SGK3: variants seen among roughly 807,000 people sequenced by gnomAD.
SGK3 encodes serine/threonine-protein kinase Sgk3.
SGK3 carries 47 observed loss-of-function variants against 68.5 expected under a neutral mutation model. The ratio of observed to expected loss-of-function variants is 0.69; its 90% CI spans 0.54 to 0.87. The LOEUF is 0.87. SGK3 is among the 40% of genes least tolerant of loss of function. The pLI, the probability that SGK3 is intolerant of heterozygous loss-of-function variation, is 0.00. For synonymous variants in SGK3, 181 were observed against 189.1 expected (o/e 0.96, Z 0.35); for missense variants, 479 against 575.5 (o/e 0.83, Z 1.72).
chr8:66,742,385 A>G (rs1433464925), intron 1 of SGK3, among the ~76,000 whole-genome samples: 1 of 152,090 alleles, frequency 6.6e-6, no homozygotes, highest in African/African-American at 2.4e-5. Flanking sequence ...TTTGTTTTTT[A>G]GAGACAGGGT....
At chr8:66,804,349 T>G (rs780025589) in intron 3 of SGK3, 26 bp from the exon 4 acceptor site, 1 of 1,580,842 alleles carries the variant, frequency 6.3e-7, no homozygotes, top group South Asian at 1.1e-5. Context: ...AATTAGTTCA[T>G]ATAATGTTAT....
intron 2 of SGK3, among the ~76,000 whole-genome samples, chr8:66,796,217 A>G (rs1419006828): frequency 2.0e-5 from 3 of 150,772 alleles, no homozygotes; most frequent in Non-Finnish European, 2.9e-5. Flanking sequence ...GCTCACTGCA[A>G]CCTCCACCTC....
rs572508121 is a variant in SGK3 at position 66,746,939 on chromosome 8, C to T, written c.-122+34106C>T. 4.6e-5 allele frequency among the ~76,000 whole-genome samples: 7 copies of T among 151,760 alleles called. No individual in the cohort carries two copies. In the South Asian group the frequency reaches 6.2e-4, roughly 14 times the overall value. ...GGGCTGTTGACACCTAATTAGTCAACGTTAATGTATTTACAAAGATGAAAT... is the reference window on the plus strand; with the variant it reads ...GGGCTGTTGACACCTAATTAGTCAATGTTAATGTATTTACAAAGATGAAAT... On this transcript the variant is annotated intron_variant, in intron 1 of 16. Coordinates refer to ENST00000521198, the MANE Select transcript of SGK3 (RefSeq NM_001033578.3).
chr8:66,821,438 A>G (rs183962723), intron 5 of SGK3, among the ~76,000 whole-genome samples: 112 of 152,064 alleles, frequency 7.4e-4, no homozygotes, highest in African/African-American at 2.6e-3. Context: ...GTAAATGTCT[A>G]TTTTGCTTCT....
intron 1 of SGK3, among the ~76,000 whole-genome samples, chr8:66,728,233 G>T (rs1028186307): frequency 5.3e-5 from 8 of 151,970 alleles, no homozygotes; most frequent in Non-Finnish European, 4.4e-5. Flanking sequence ...TAAAAAATGT[G>T]ATCATACAAT....
chr8:66,858,142 A>C (rs1810598572), intron 16 of SGK3, among the ~76,000 whole-genome samples: 1 of 152,190 alleles, frequency 6.6e-6, no homozygotes, highest in African/African-American at 2.4e-5. Context: ...TTGAGAAACC[A>C]GATGGACAGG....
At chr8:66,734,587 C>T (rs1805263672) in intron 1 of SGK3, among the ~76,000 whole-genome samples, 1 of 152,068 alleles carries the variant, frequency 6.6e-6, no homozygotes, top group African/African-American at 2.4e-5. Flanking sequence ...ATTCTATACA[C>T]AGTACTCCCC....
chr8:66,727,081 A>G (rs1015037035), intron 1 of SGK3, among the ~76,000 whole-genome samples: 2 of 152,122 alleles, frequency 1.3e-5, no homozygotes, highest in African/African-American at 2.4e-5. Context: ...AGTAAAGATG[A>G]TAGAACATGT....
intron 1 of SGK3, among the ~76,000 whole-genome samples, chr8:66,780,842 AAT>A (rs1806944385): frequency 6.6e-6 from 1 of 152,198 alleles, no homozygotes; most frequent in Non-Finnish European, 1.5e-5. Context: ...CAGTGATAAA[AAT>A]AAATTGGTCT....
At chr8:66,820,975 G>A (rs1305034110) in intron 5 of SGK3, among the ~76,000 whole-genome samples, 1 of 152,044 alleles carries the variant, frequency 6.6e-6, no homozygotes, top group East Asian at 1.9e-4. Context: ...CAGAGCATTG[G>A]GATTACAGGC....
intron 1 of SGK3, among the ~76,000 whole-genome samples, chr8:66,716,714 G>C (rs1804643871): frequency 6.6e-6 from 1 of 152,148 alleles, no homozygotes; most frequent in Non-Finnish European, 1.5e-5. Context: ...GTGCAGTGCA[G>C]CTGTGCTTCT....
chr8:66,747,258 T>G (rs1456380863), intron 1 of SGK3, among the ~76,000 whole-genome samples: 4 of 152,154 alleles, frequency 2.6e-5, no homozygotes, highest in Non-Finnish European at 5.9e-5. Context: ...AAATAGACTT[T>G]TATTCCCTAA....
chr8:66,734,311 G>A (rs537715905), intron 1 of SGK3, among the ~76,000 whole-genome samples: 2 of 144,788 alleles, frequency 1.4e-5, no homozygotes, highest in South Asian at 4.3e-4. Flanking sequence ...TGGTCATCTT[G>A]GTTTTTAAAG....
chr8:66,751,072 G>C (rs1805801232), intron 1 of SGK3, among the ~76,000 whole-genome samples: 1 of 151,958 alleles, frequency 6.6e-6, no homozygotes, highest in Admixed American at 6.6e-5. Flanking sequence ...GGCTGAGGTG[G>C]GCGGATCACG....
intron 1 of SGK3, among the ~76,000 whole-genome samples, chr8:66,736,528 G>A (rs894959117): frequency 6.6e-6 from 1 of 151,910 alleles, no homozygotes; most frequent in African/African-American, 2.4e-5. Flanking sequence ...TGCCATCATA[G>A]CCCACTGCAG....
chr8:66,723,119 ATATATATATATATTTTT>A lies in SGK3; in HGVS notation c.-122+10288_-122+10304del, dbSNP rs1194977647. ...TATATATATATATATATATATATAT[ATATATATATATATTTTT>A]TTTTTTTTTTTTTTTTGTAAAAGGG... is the stretch of plus-strand genomic sequence containing the variant. On this transcript the variant is annotated intron_variant, in intron 1 of 16. Transcript: ENST00000521198. Among the ~76,000 whole-genome samples, 360 of 50,382 alleles carry A rather than the reference ATATATATATATATTTTT, an allele frequency of 7.1e-3. 3 individuals are homozygous for A. The highest frequency in any genetic ancestry group is 0.025 in the African/African-American group (274 of 10,822). 33.1% of individuals were successfully genotyped at this position (50,382 alleles called of 152,430 possible). A position where few individuals can be genotyped will look rare whatever the true frequency, so the allele number is the denominator to read the frequency against.
intron 12 of SGK3, 131 bp downstream of exon 12, chr8:66,840,378 G>A (rs372315980): frequency 3.1e-5 from 29 of 926,736 alleles, no homozygotes; most frequent in African/African-American, 8.3e-5. Context: ...ATGACAAAAC[G>A]GTAGGGATGG....
chr8:66,791,642 A>G (rs989940643), intron 1 of SGK3, among the ~76,000 whole-genome samples: 2 of 152,202 alleles, frequency 1.3e-5, no homozygotes, highest in Non-Finnish European at 2.9e-5. Context: ...ATAGCACAGC[A>G]AGGCACAAAC....
At chr8:66,719,639 A>G (rs1304914543) in intron 1 of SGK3, among the ~76,000 whole-genome samples, 1 of 152,216 alleles carries the variant, frequency 6.6e-6, no homozygotes, top group Admixed American at 6.5e-5. Context: ...CTTATTTAAC[A>G]CTATATATAG....
Sources: gnomAD v4.1 joint callset for allele counts (sites outside exome capture counted in the v4.1 genomes callset) on GRCh38, gnomAD v4.1.1 for gene constraint, MANE v1.5 for transcripts, NCBI Gene and HGNC (gene_info 2026-07-23, HGNC 2026-07-21) for gene names.